The following ZFHX3 variants were observed in gnomAD, a reference collection of about 807,000 sequenced individuals.
ZFHX3 encodes zinc finger homeobox 3.
A neutral mutation model predicts 279.1 loss-of-function variants in ZFHX3; 42 were observed. That is an observed-to-expected ratio of 0.15 (90% CI 0.12 to 0.19). The LOEUF (loss-of-function observed/expected upper bound fraction) is 0.19, where lower values mean the gene tolerates loss of function less well. ZFHX3 is among the 10% of genes least tolerant of loss of function. The pLI, the probability that ZFHX3 is intolerant of heterozygous loss-of-function variation, is 1.00. For synonymous variants in ZFHX3, 2,293 were observed against 1,957.8 expected (o/e 1.17, Z -4.52); for missense variants, 4,981 against 4,754.0 (o/e 1.05, Z -1.40).
chr16:73,808,007 G>C (rs1960329894), intron 1 of ZFHX3, among the ~76,000 whole-genome samples: 1 of 151,936 alleles, frequency 6.6e-6, no homozygotes, highest in Non-Finnish European at 1.5e-5. Context: ...GAAGATTCAG[G>C]GTTCAAAACG....
intron 1 of ZFHX3, among the ~76,000 whole-genome samples, chr16:73,811,438 C>CT (rs34134056): frequency 0.031 from 3,302 of 106,488 alleles, 102 homozygotes; most frequent in African/African-American, 0.061. Context: ...TCAGTCTCTT[C>CT]TTTTTTTTTT....
chr16:73,422,221 GAGGC>G (rs2143494702), intron 3 of ZFHX3, among the ~76,000 whole-genome samples: 2 of 149,346 alleles, frequency 1.3e-5, no homozygotes, highest in East Asian at 3.9e-4. Context: ...TTCTATTTGG[GAGGC>G]CACCTCTGCA....
chr16:73,360,602 G>A (rs372957032), intron 3 of ZFHX3, among the ~76,000 whole-genome samples: 1 of 152,224 alleles, frequency 6.6e-6, no homozygotes, highest in Admixed American at 6.5e-5. Context: ...GCCTACCAAA[G>A]TGCTGGGATT....
At chr16:73,607,540 G>A (rs1220625145) in intron 2 of ZFHX3, among the ~76,000 whole-genome samples, 9 of 152,138 alleles carry the variant, frequency 5.9e-5, no homozygotes, top group Non-Finnish European at 1.0e-4. Flanking sequence ...ATAAAATGCG[G>A]AAAATACTAG....
At chr16:73,755,771 A>G (rs181752815) in intron 1 of ZFHX3, among the ~76,000 whole-genome samples, 101 of 152,306 alleles carry the variant, frequency 6.6e-4, no homozygotes, top group Admixed American at 1.4e-3. Context: ...CCCCCCACCC[A>G]TGATGTCGGC....
At chr16:73,831,150 G>T (rs576066835) in intron 1 of ZFHX3, among the ~76,000 whole-genome samples, 2 of 152,198 alleles carry the variant, frequency 1.3e-5, no homozygotes, top group Non-Finnish European at 2.9e-5. Context: ...GCAACTCCCA[G>T]GGTATTCACA....
chr16:72,971,341 A>G (rs1567612738), intron 1 of ZFHX3, among the ~76,000 whole-genome samples: 1 of 152,010 alleles, frequency 6.6e-6, no homozygotes, highest in Non-Finnish European at 1.5e-5. Context: ...CAAACCAAGT[A>G]GTAGCTCCAT....
chr16:73,228,330 A>C (rs1373707166), intron 5 of ZFHX3, among the ~76,000 whole-genome samples: 1 of 152,158 alleles, frequency 6.6e-6, no homozygotes, highest in African/African-American at 2.4e-5. Flanking sequence ...GTGTTAAAAC[A>C]TTTTCTTTGA....
rs554869964 is a variant in ZFHX3, at chr16:73,859,263, G to A, written c.-1608+32388C>T. Among the ~76,000 whole-genome samples the A allele has an allele frequency of 6.4e-4, 98 of 152,290 alleles. 1 individual carries two copies. The highest frequency in any genetic ancestry group is 2.4e-3 in the African/African-American group (98 of 41,570). The stretch of plus-strand genomic sequence containing the variant: ...AATATAACCAGGCACAATGGTAAAA[G>A]AACATCGCTAAATTTAAATCTTGTT... On this transcript the variant is annotated intron_variant, in intron 1 of 17. Transcript: ENST00000641206.
chr16:73,218,383 G>C (rs908064616), intron 5 of ZFHX3, among the ~76,000 whole-genome samples: 1 of 152,222 alleles, frequency 6.6e-6, no homozygotes, highest in Non-Finnish European at 1.5e-5. Context: ...ATGCAGAATA[G>C]TGCTGAGCTG....
At chr16:72,859,838 T>A (rs1232081590) in intron 4 of ZFHX3, among the ~76,000 whole-genome samples, 1 of 152,152 alleles carries the variant, frequency 6.6e-6, no homozygotes, top group Non-Finnish European at 1.5e-5. Flanking sequence ...TCCGTGTTCA[T>A]ATTTCTGAGA....
intron 3 of ZFHX3, among the ~76,000 whole-genome samples, chr16:73,412,944 T>A (rs2017499572): frequency 6.6e-6 from 1 of 152,208 alleles, no homozygotes; most frequent in African/African-American, 2.4e-5. Flanking sequence ...TTATGGATCT[T>A]AACAGGAGCG....
At chr16:73,474,939 C>G (rs547195900) in intron 2 of ZFHX3, among the ~76,000 whole-genome samples, 1 of 152,106 alleles carries the variant, frequency 6.6e-6, no homozygotes, top group Non-Finnish European at 1.5e-5. Context: ...CCAAATGGGG[C>G]TGGGAGGAGT....
intron 1 of ZFHX3, among the ~76,000 whole-genome samples, chr16:73,022,502 G>A (rs1964336432): frequency 6.6e-6 from 1 of 152,076 alleles, no homozygotes; most frequent in Admixed American, 6.5e-5. Flanking sequence ...GGCATCGCAG[G>A]ATGTTTAGGA....
At chr16:73,068,787 C>G (rs1965788408) in intron 8 of ZFHX3, among the ~76,000 whole-genome samples, 1 of 152,182 alleles carries the variant, frequency 6.6e-6, no homozygotes, top group African/African-American at 2.4e-5. Flanking sequence ...AAAGGCAGGC[C>G]CCTTGGGAAC....
At chr16:73,178,189 G>A (rs1486441875) in intron 5 of ZFHX3, among the ~76,000 whole-genome samples, 1 of 151,868 alleles carries the variant, frequency 6.6e-6, no homozygotes, top group Admixed American at 6.6e-5. Context: ...TCACTCCGGA[G>A]TACAGTGGTG....
chr16:72,919,892 C>T (rs774245002), intron 3 of ZFHX3, among the ~76,000 whole-genome samples: 2 of 139,346 alleles, frequency 1.4e-5, no homozygotes, highest in Non-Finnish European at 3.0e-5. Context: ...CTCCCAGGTT[C>T]AAGCGATTCT....
chr16:73,141,899 G>A lies in ZFHX3; in HGVS notation c.-1024+1853C>T, dbSNP rs957822163. Among the ~76,000 whole-genome samples, 15 of 152,166 alleles carry A rather than the reference G, an allele frequency of 9.9e-5. 1 individual carries two copies. Among genetic ancestry groups the A allele is most frequent in the African/African-American group, 3.6e-4 (15 of 41,434 alleles). ...GTGTCTGGAGCAGATTTGCAACAAA[G>A]AGCAGGGTGGTTTAGGACCTGTTTA... On this transcript the variant is annotated intron_variant, in intron 6 of 17. Transcript: ENST00000641206.
chr16:73,045,787 C>CA (rs1240516127), intron 1 of ZFHX3, among the ~76,000 whole-genome samples: 1,346 of 42,770 alleles, frequency 0.031, 72 homozygotes, highest in East Asian at 0.23. Context: ...ACAGCCATTT[C>CA]AAAAAAAAAA....
Sources: allele counts gnomAD v4.1 joint callset (sites outside exome capture counted in the v4.1 genomes callset), GRCh38; gene constraint gnomAD v4.1.1; transcripts MANE v1.5; gene names NCBI Gene and HGNC (gene_info 2026-07-23, HGNC 2026-07-21).